The following CLEC2A variants were observed in gnomAD, a reference collection of about 807,000 sequenced individuals.
The protein encoded by CLEC2A is keratinocyte-associated C-type lectin.
A neutral mutation model predicts 18.6 loss-of-function variants in CLEC2A; 19 were observed. That is an observed-to-expected ratio of 1.02 (90% CI 0.71 to 1.50). CLEC2A has a LOEUF of 1.50. Among genes scored for constraint, CLEC2A ranks in the 40% most tolerant of loss-of-function variants. The probability of loss-of-function intolerance (pLI) is 0.00; values close to 1 mark genes in which losing one functional copy is unlikely to be tolerated. For missense variants in CLEC2A, 190 were observed against 207.9 expected (o/e 0.91, Z 0.53); for synonymous variants, 74 against 64.0 (o/e 1.16, Z -0.75).
chr12:9,891,748 T>C, the CLEC2A span, among the ~76,000 whole-genome samples: 3 of 152,182 alleles, frequency 2.0e-5, no homozygotes, highest in African/African-American at 7.2e-5. Context: ...TAAGAATATA[T>C]ATGAAGTTTC....
chr12:9,932,115 C>A (rs181951191), intron 1 of CLEC2A, among the ~76,000 whole-genome samples, 160 bp downstream of exon 1: 33 of 152,352 alleles, frequency 2.2e-4, no homozygotes, highest in Non-Finnish European at 4.6e-4. Flanking sequence ...TAAAACTCTA[C>A]ATGCTCTAAC....
chr12:9,882,846 A>C, the CLEC2A span, among the ~76,000 whole-genome samples: 1 of 152,218 alleles, frequency 6.6e-6, no homozygotes, highest in Non-Finnish European at 1.5e-5. Context: ...TCTGGGCAGA[A>C]GCTTTTAGCC....
the CLEC2A span, among the ~76,000 whole-genome samples, chr12:9,887,090 T>C: frequency 6.6e-6 from 1 of 152,038 alleles, no homozygotes; most frequent in African/African-American, 2.4e-5. Context: ...GAAAGGTCAA[T>C]AGCTCTTTTA....
intron 2 of CLEC2A, 101 bp from the exon 3 acceptor site, chr12:9,922,333 G>A: frequency 1.0e-6 from 1 of 952,764 alleles, no homozygotes. Context: ...ACAGTTTGAG[G>A]CCCGTAAGTT....
At chr12:9,880,374 T>A in the CLEC2A span, among the ~76,000 whole-genome samples, 12 of 152,094 alleles carry the variant, frequency 7.9e-5, no homozygotes, top group African/African-American at 2.7e-4. Context: ...TACTCACAAG[T>A]GACATCCAGT....
At chr12:9,923,364 A>G (rs566084250) in intron 2 of CLEC2A, among the ~76,000 whole-genome samples, 67 of 152,364 alleles carry the variant, frequency 4.4e-4, no homozygotes, top group African/African-American at 1.5e-3. Context: ...AATGCAAATC[A>G]AAACCACAAT....
chr12:9,877,913 G>A, the CLEC2A span, among the ~76,000 whole-genome samples: 1 of 152,170 alleles, frequency 6.6e-6, no homozygotes, highest in Non-Finnish European at 1.5e-5. Context: ...GGCACAAATA[G>A]TTAACCCATA....
At chr12:9,891,343 C>T in the CLEC2A span, among the ~76,000 whole-genome samples, 9 of 152,144 alleles carry the variant, frequency 5.9e-5, no homozygotes, top group Non-Finnish European at 8.8e-5. Flanking sequence ...GAAGATGGGA[C>T]TTAAATCTGA....
At chr12:9,918,430 G>C (rs978411369) in intron 3 of CLEC2A, among the ~76,000 whole-genome samples, 2 of 151,904 alleles carry the variant, frequency 1.3e-5, no homozygotes, top group African/African-American at 4.8e-5. Flanking sequence ...CTTATTTCTG[G>C]GCTCTCTATT....
At chr12:9,914,718 A>G (rs932230263) in intron 4 of CLEC2A, among the ~76,000 whole-genome samples, 3 of 152,230 alleles carry the variant, frequency 2.0e-5, no homozygotes, top group Non-Finnish European at 2.9e-5. Flanking sequence ...TTAACTCAAG[A>G]TGGATTAAAG....
chr12:9,898,369 G>T (rs1868209), downstream of CLEC2A, among the ~76,000 whole-genome samples: 20 of 152,244 alleles, frequency 1.3e-4, no homozygotes, highest in Non-Finnish European at 2.5e-4. Context: ...CCAATCATAT[G>T]CCAGACCCCT....
the CLEC2A span, among the ~76,000 whole-genome samples, chr12:9,889,660 GTA>G: frequency 0.15 from 21,136 of 139,536 alleles, 2,452 homozygotes; most frequent in African/African-American, 0.35. Flanking sequence ...GTGTGTGTGT[GTA>G]TATATATGTA....
chr12:9,917,964 ATTTGT>A (rs1348266140), intron 3 of CLEC2A, among the ~76,000 whole-genome samples: 1 of 151,932 alleles, frequency 6.6e-6, no homozygotes, highest in African/African-American at 2.4e-5. Flanking sequence ...TCTCTTGTAA[ATTTGT>A]TTTAAGTTCC....
At chr12:9,893,831 T>C (rs2137004848), downstream of CLEC2A, among the ~76,000 whole-genome samples, 2 of 152,284 alleles carry the variant, frequency 1.3e-5, no homozygotes, top group Admixed American at 1.3e-4. Context: ...TTTAAATTTC[T>C]AAGCTGATTT....
the CLEC2A span, among the ~76,000 whole-genome samples, chr12:9,881,126 C>T: frequency 6.6e-6 from 1 of 152,210 alleles, no homozygotes; most frequent in Admixed American, 6.5e-5. Context: ...TTGGACTCTA[C>T]TAGTCAAATA....
intron 1 of CLEC2A, among the ~76,000 whole-genome samples, chr12:9,926,798 T>C (rs1863280450): frequency 6.6e-6 from 1 of 152,188 alleles, no homozygotes; most frequent in Admixed American, 6.5e-5. Context: ...TTTTCTTTAT[T>C]CTTTAAGCCA....
rs1863188771 is a variant in CLEC2A, at chr12:9,922,367, G to A, written c.140-135C>T. On this transcript the variant is annotated intron_variant, in intron 2 of 4. Transcript: ENST00000455827. ...TTAGCTTCCCCCCTCCCCAGAATGA[G>A]GATGAATTAACTTCCCCTGTCTGTA... 8.5e-6 allele frequency: 5 copies of A among 590,432 alleles called. No individual in the cohort carries two copies. The South Asian group carries it at 1.4e-4, about 17-fold the overall frequency. 36.6% of individuals were successfully genotyped at this position (590,432 alleles called of 1,614,324 possible).
chr12:9,899,867 C>A (rs1202808560), intron 4 of CLEC2A, among the ~76,000 whole-genome samples: 1 of 152,206 alleles, frequency 6.6e-6, no homozygotes, highest in Non-Finnish European at 1.5e-5. Context: ...TATCATCTGC[C>A]TCTGGATCCC....
chr12:9,924,302 C>T (rs139112047), intron 2 of CLEC2A, among the ~76,000 whole-genome samples: 1 of 151,962 alleles, frequency 6.6e-6, no homozygotes, highest in Admixed American at 6.6e-5. Flanking sequence ...AATAAATGAA[C>T]ATAAAAACTT....
Sources: gnomAD v4.1 joint callset for allele counts (sites outside exome capture counted in the v4.1 genomes callset) on GRCh38, gnomAD v4.1.1 for gene constraint, MANE v1.5 for transcripts, NCBI Gene and HGNC (gene_info 2026-07-23, HGNC 2026-07-21) for gene names.